MBOAT1: variants seen among roughly 807,000 people sequenced by gnomAD.
The protein encoded by MBOAT1 is membrane-bound glycerophospholipid O-acyltransferase 1.
A neutral mutation model predicts 64.4 loss-of-function variants in MBOAT1; 67 were observed. The observed-to-expected ratio is 1.04, with a 90% CI of 0.85 to 1.27. The LOEUF (loss-of-function observed/expected upper bound fraction) is 1.27, where lower values mean the gene tolerates loss of function less well. Ranked by LOEUF, MBOAT1 falls within the 50% of genes most tolerant of loss-of-function variation. MBOAT1 has a pLI of 0.00. For synonymous variants in MBOAT1, 229 were observed against 218.9 expected (o/e 1.05, Z -0.41); for missense variants, 563 against 604.6 (o/e 0.93, Z 0.72).
chr6:20,124,085 C>T (rs1760579989), intron 8 of MBOAT1, among the ~76,000 whole-genome samples: 1 of 152,022 alleles, frequency 6.6e-6, no homozygotes, highest in Admixed American at 6.6e-5. Context: ...ATCAATCATT[C>T]CAGAATTTCC....
At chr6:20,193,136 G>T (rs990638576) in intron 1 of MBOAT1, among the ~76,000 whole-genome samples, 2 of 150,524 alleles carry the variant, frequency 1.3e-5, no homozygotes, top group African/African-American at 2.4e-5. Context: ...CTCCAGAGTA[G>T]CTGGGACTAC....
intron 4 of MBOAT1, among the ~76,000 whole-genome samples, chr6:20,140,937 A>G (rs1031220292): frequency 1.3e-5 from 2 of 151,984 alleles, no homozygotes; most frequent in African/African-American, 4.8e-5. Flanking sequence ...AGCTACAAAC[A>G]CTCTGTGCAC....
chr6:20,197,306 C>G (rs4710923), intron 1 of MBOAT1, among the ~76,000 whole-genome samples: 24,545 of 152,056 alleles, frequency 0.16, 2,270 homozygotes, highest in African/African-American at 0.25. Flanking sequence ...AGGCTGGGAA[C>G]TGCATCACGT....
In MBOAT1 at chr6:20,099,829, C is replaced by T. The variant is rs924220391; in HGVS notation, c.*2457G>A. Among the ~76,000 whole-genome samples, 54 of 152,174 alleles carry T rather than the reference C, an allele frequency of 3.5e-4. No individual in the cohort carries two copies. The highest frequency in any genetic ancestry group is 1.2e-3 in the African/African-American group (50 of 41,452). ...GGTAATAAAAACAGTCCCAACCTTC[C>T]GTCTAAATGTTGGTCCTCAGTTGAA... On this transcript the variant is annotated 3_prime_UTR_variant, in exon 13 of 13. Transcript: ENST00000324607.
At chr6:20,160,600 G>A (rs1394222730) in intron 1 of MBOAT1, among the ~76,000 whole-genome samples, 1 of 152,044 alleles carries the variant, frequency 6.6e-6, no homozygotes, top group East Asian at 1.9e-4. Context: ...ATAAACATTC[G>A]GCAACACTGC....
chr6:20,121,798 TTCTC>T (rs70990009), intron 8 of MBOAT1, among the ~76,000 whole-genome samples: 1 of 150,176 alleles, frequency 6.7e-6, no homozygotes, highest in South Asian at 2.1e-4. Context: ...ATTAGATATA[TTCTC>T]TCTCTCTCTC....
At chr6:20,211,192 C>T (rs9348416) in intron 1 of MBOAT1, among the ~76,000 whole-genome samples, 2 of 152,048 alleles carry the variant, frequency 1.3e-5, no homozygotes, top group East Asian at 1.9e-4. Flanking sequence ...AAGGGGTGTG[C>T]GCAAAGGGCA....
At chr6:20,205,621 T>A (rs1763239574) in intron 1 of MBOAT1, among the ~76,000 whole-genome samples, 1 of 152,046 alleles carries the variant, frequency 6.6e-6, no homozygotes, top group Admixed American at 6.5e-5. Context: ...AGACCGCCCA[T>A]CTTCACACAG....
chr6:20,163,315 C>G (rs1761917284), intron 1 of MBOAT1, among the ~76,000 whole-genome samples: 1 of 152,168 alleles, frequency 6.6e-6, no homozygotes, highest in African/African-American at 2.4e-5. Flanking sequence ...GGAAAGAAAA[C>G]ATTCCCATTA....
chr6:20,210,129 C>T (rs1261782467), intron 1 of MBOAT1, among the ~76,000 whole-genome samples: 1 of 152,126 alleles, frequency 6.6e-6, no homozygotes, highest in Non-Finnish European at 1.5e-5. Flanking sequence ...TTCCTAATGT[C>T]GGGCATTTCA....
intron 6 of MBOAT1, among the ~76,000 whole-genome samples, chr6:20,127,404 C>T (rs1479573198): frequency 1.3e-5 from 2 of 152,218 alleles, no homozygotes; most frequent in African/African-American, 4.8e-5. Context: ...ACCCCTGGGG[C>T]TCAGACTGGT....
At chr6:20,179,166 G>A (rs562224441) in intron 1 of MBOAT1, among the ~76,000 whole-genome samples, 3 of 131,210 alleles carry the variant, frequency 2.3e-5, no homozygotes, top group South Asian at 2.4e-4. Context: ...TTTAATCTTT[G>A]CAACAACCCT....
At chr6:20,208,166 G>A (rs1009987646) in intron 1 of MBOAT1, among the ~76,000 whole-genome samples, 13 of 152,064 alleles carry the variant, frequency 8.5e-5, no homozygotes, top group African/African-American at 2.9e-4. Flanking sequence ...CTTTGTAGTC[G>A]GCCGGGCGTG....
chr6:20,211,157 T>C (rs1469401410), intron 1 of MBOAT1, among the ~76,000 whole-genome samples: 1 of 152,114 alleles, frequency 6.6e-6, no homozygotes, highest in Non-Finnish European at 1.5e-5. Context: ...AAGGCAAATG[T>C]CCAGGTCTCA....
intron 1 of MBOAT1, among the ~76,000 whole-genome samples, chr6:20,179,956 A>C (rs188312010): frequency 6.6e-6 from 1 of 152,284 alleles, no homozygotes; most frequent in East Asian, 1.9e-4. Context: ...ATATAATAGA[A>C]GCAGCAAGGC....
At chr6:20,163,159 T>C (rs928969177) in intron 1 of MBOAT1, among the ~76,000 whole-genome samples, 1 of 152,152 alleles carries the variant, frequency 6.6e-6, no homozygotes, top group African/African-American at 2.4e-5. Context: ...ATAGGTGATA[T>C]CTACGTATTT....
At chr6:20,183,749 T>C (rs552061455) in intron 1 of MBOAT1, among the ~76,000 whole-genome samples, 13 of 152,212 alleles carry the variant, frequency 8.5e-5, no homozygotes, top group African/African-American at 1.2e-4. Flanking sequence ...AAAATGCCAT[T>C]GATATCTCTT....
intron 1 of MBOAT1, among the ~76,000 whole-genome samples, chr6:20,204,156 C>T (rs1763194270): frequency 6.6e-6 from 1 of 152,202 alleles, no homozygotes; most frequent in African/African-American, 2.4e-5. Context: ...CTCACCTGGC[C>T]CCTCTCCCCT....
chr6:20,131,091 G>C, intron 5 of MBOAT1, 53 bp downstream of exon 5: 1 of 1,457,128 alleles, frequency 6.9e-7, no homozygotes, highest in Admixed American at 1.7e-5. Flanking sequence ...AAAAAGAAGA[G>C]CTCTGCATGT....
Sources: allele counts gnomAD v4.1 joint callset (sites outside exome capture counted in the v4.1 genomes callset), GRCh38; gene constraint gnomAD v4.1.1; transcripts MANE v1.5; gene names NCBI Gene and HGNC (gene_info 2026-07-23, HGNC 2026-07-21).